Variants in RAB3C observed in about 807,000 individuals in gnomAD.
The protein encoded by RAB3C is RAB3C, member RAS oncogene family.
Under a neutral mutation model 26.4 loss-of-function variants are expected in RAB3C, and 17 were observed. The ratio of observed to expected loss-of-function variants is 0.64; its 90% CI spans 0.44 to 0.97. The LOEUF (loss-of-function observed/expected upper bound fraction) is 0.97. Ranked by LOEUF, RAB3C falls within the 50% of genes least tolerant of loss-of-function variation. RAB3C has a pLI of 0.00. For missense variants in RAB3C, 242 were observed against 281.9 expected, an observed-to-expected ratio of 0.86 and a Z score of 1.01; for synonymous variants, 91 against 95.9, an observed-to-expected ratio of 0.95 and a Z score of 0.30.
At chr5:58,823,179 T>C (rs1017209918) in intron 3 of RAB3C, 10 of 340,682 alleles carry the variant, frequency 2.9e-5, no homozygotes, top group African/African-American at 1.9e-4. Flanking sequence ...AAACGGTTCT[T>C]TCCGTTCATA....
At chr5:58,611,190 T>C (rs1433756271) in intron 1 of RAB3C, among the ~76,000 whole-genome samples, 1 of 152,112 alleles carries the variant, frequency 6.6e-6, no homozygotes. Flanking sequence ...ATAATGAACA[T>C]ATATGTGCAT....
intron 3 of RAB3C, among the ~76,000 whole-genome samples, chr5:58,785,583 T>G (rs921286618): frequency 2.6e-5 from 4 of 152,190 alleles, no homozygotes; most frequent in Non-Finnish European, 4.4e-5. Flanking sequence ...GAACTCACAT[T>G]TCTAACAAGA....
intron 3 of RAB3C, among the ~76,000 whole-genome samples, chr5:58,738,579 C>T (rs746599300): frequency 1.6e-4 from 25 of 152,230 alleles, no homozygotes; most frequent in Middle Eastern, 6.8e-3. Flanking sequence ...TTTGGCCTCA[C>T]TGGACTTTGG....
chr5:58,791,715 C>G (rs995938818), intron 3 of RAB3C, among the ~76,000 whole-genome samples: 2 of 152,172 alleles, frequency 1.3e-5, no homozygotes, highest in African/African-American at 4.8e-5. Flanking sequence ...CTGTATCATT[C>G]AGATACTCAG....
At chr5:58,679,262 T>G (rs556386703) in intron 2 of RAB3C, among the ~76,000 whole-genome samples, 19 of 150,958 alleles carry the variant, frequency 1.3e-4, no homozygotes, top group Non-Finnish European at 2.5e-4. Context: ...ACTTGGCTCA[T>G]TTTTTTTTGG....
intron 2 of RAB3C, chr5:58,644,578 GGGTCTCAA>G (rs1209864898): frequency 6.6e-6 from 1 of 152,154 alleles, no homozygotes; most frequent in African/African-American, 2.4e-5. Flanking sequence ...AGTTGTCAGT[GGGTCTCAA>G]GCCTGGCATA....
intron 3 of RAB3C, among the ~76,000 whole-genome samples, chr5:58,781,811 A>T (rs1431548970): frequency 1.3e-5 from 2 of 151,964 alleles, no homozygotes; most frequent in Non-Finnish European, 2.9e-5. Flanking sequence ...CCCTGAACCA[A>T]ACCAGAATGT....
At chr5:58,741,671 T>C (rs1351613499) in intron 3 of RAB3C, 1 of 152,042 alleles carries the variant, frequency 6.6e-6, no homozygotes, top group Non-Finnish European at 1.5e-5. Context: ...CCGTCTACAG[T>C]GCACATTAGA....
At chr5:58,827,142 A>AC (rs1743500800) in intron 4 of RAB3C, among the ~76,000 whole-genome samples, 1 of 152,062 alleles carries the variant, frequency 6.6e-6, no homozygotes, top group Non-Finnish European at 1.5e-5. Flanking sequence ...AAAAATGATA[A>AC]TTTTTTTTCT....
chr5:58,747,555 C>T (rs1252533110), intron 3 of RAB3C, among the ~76,000 whole-genome samples: 3 of 152,048 alleles, frequency 2.0e-5, no homozygotes, highest in African/African-American at 4.8e-5. Context: ...CAAAAACATG[C>T]TATTATTTAG....
chr5:58,692,606 A>T (rs539363933), intron 2 of RAB3C, among the ~76,000 whole-genome samples: 1 of 152,108 alleles, frequency 6.6e-6, no homozygotes, highest in Admixed American at 6.6e-5. Context: ...CTTCATTCAA[A>T]TAGAAGTAAG....
intron 2 of RAB3C, among the ~76,000 whole-genome samples, chr5:58,700,877 G>T (rs926105148): frequency 2.6e-4 from 39 of 152,286 alleles, no homozygotes; most frequent in African/African-American, 8.9e-4. Flanking sequence ...AAGAAAAAAT[G>T]CTATGGTAAC....
chr5:58,694,979 G>A (rs996658749), intron 2 of RAB3C, among the ~76,000 whole-genome samples: 4 of 152,046 alleles, frequency 2.6e-5, no homozygotes, highest in South Asian at 2.1e-4. Flanking sequence ...CGTTGCTTTC[G>A]GTGTTTTAGT....
At chr5:58,785,744 ATTACAG>A (rs1430974681) in intron 3 of RAB3C, among the ~76,000 whole-genome samples, 1 of 152,252 alleles carries the variant, frequency 6.6e-6, no homozygotes, top group African/African-American at 2.4e-5. Context: ...TGCAGATGGA[ATTACAG>A]TTGCTAATCA....
intron 1 of RAB3C, among the ~76,000 whole-genome samples, chr5:58,599,694 T>C (rs977374143): frequency 1.3e-5 from 2 of 151,302 alleles, no homozygotes; most frequent in African/African-American, 4.9e-5. Flanking sequence ...CTTTTTCTTT[T>C]TTTTTTCTTT....
chr5:58,687,350 C>A (rs1262196829), intron 2 of RAB3C, among the ~76,000 whole-genome samples: 1 of 152,126 alleles, frequency 6.6e-6, no homozygotes, highest in African/African-American at 2.4e-5. Flanking sequence ...GCATGGTAGA[C>A]AGCTGGAGGA....
chr5:58,812,438 A>G (rs1432655456), intron 3 of RAB3C, among the ~76,000 whole-genome samples: 4 of 152,194 alleles, frequency 2.6e-5, no homozygotes, highest in Non-Finnish European at 5.9e-5. Flanking sequence ...CAAACTTTCC[A>G]GGTGATTCTA....
intron 2 of RAB3C, among the ~76,000 whole-genome samples, chr5:58,719,393 C>T (rs1301733005): frequency 6.6e-6 from 1 of 151,952 alleles, no homozygotes; most frequent in Non-Finnish European, 1.5e-5. Flanking sequence ...TCTGACTTCT[C>T]CATAGACCAC....
At chr5:58,603,288 G>A (rs962217937) in intron 1 of RAB3C, among the ~76,000 whole-genome samples, 6 of 152,114 alleles carry the variant, frequency 3.9e-5, no homozygotes, top group Non-Finnish European at 8.8e-5. Flanking sequence ...ATGACAATGT[G>A]CCTAGGTGAA....
Sources: allele counts gnomAD v4.1 joint callset (sites outside exome capture counted in the v4.1 genomes callset), GRCh38; gene constraint gnomAD v4.1.1; transcripts MANE v1.5; gene names NCBI Gene and HGNC (gene_info 2026-07-23, HGNC 2026-07-21).